Variants in MSN observed in about 807,000 individuals in gnomAD.
MSN encodes the protein moesin, also known as epididymis luminal protein 70.
MSN carries 2 observed loss-of-function variants against 48.0 expected under a neutral mutation model. That is an observed-to-expected ratio of 0.04 (90% CI 0.02 to 0.13). The LOEUF is 0.13. MSN is among the 10% of genes least tolerant of loss of function. The pLI, the probability that MSN is intolerant of heterozygous loss-of-function variation, is 1.00. For synonymous variants in MSN, 146 were observed against 166.9 expected, an observed-to-expected ratio of 0.87 and a Z score of 0.97; for missense variants, 267 against 470.1, an observed-to-expected ratio of 0.57 and a Z score of 3.99.
At chrX:65,675,099 G>T (rs1376793763) in intron 1 of MSN, among the ~76,000 whole-genome samples, 1 of 111,956 alleles carries the variant, frequency 8.9e-6, no homozygotes, top group African/African-American at 3.2e-5. Context: ...TGTGCTAGAT[G>T]GGATGGATAA....
chrX:65,671,023 G>A (rs1394219351), intron 1 of MSN, among the ~76,000 whole-genome samples: 1 of 93,907 alleles, frequency 1.1e-5, no homozygotes, highest in Admixed American at 1.2e-4. Context: ...AGGCTTTGAG[G>A]CTTTCTTGGA....
At chrX:65,683,077 A>C (rs758747694) in intron 1 of MSN, among the ~76,000 whole-genome samples, 1 of 113,014 alleles carries the variant, frequency 8.8e-6, no homozygotes, top group Admixed American at 9.3e-5. Flanking sequence ...ACAGGCAGCC[A>C]TGCAAACATT....
chrX:65,620,970 G>A (rs1478178696), intron 1 of MSN, among the ~76,000 whole-genome samples: 3 of 108,391 alleles, frequency 2.8e-5, no homozygotes, highest in African/African-American at 1.0e-4. Context: ...CTGTCGCCCA[G>A]GCTGGAGTGT....
chrX:65,702,116 G>A (rs1602823246), intron 1 of MSN, among the ~76,000 whole-genome samples: 1 of 106,696 alleles, frequency 9.4e-6, no homozygotes, highest in East Asian at 3.0e-4. Context: ...GGGTTCAAGC[G>A]ATTCTCCTTC....
At chrX:65,614,448 A>C (rs1054288019) in intron 1 of MSN, among the ~76,000 whole-genome samples, 16 of 109,779 alleles carry the variant, frequency 1.5e-4, no homozygotes, top group Non-Finnish European at 9.5e-5. Flanking sequence ...CATTGAAGCT[A>C]TAAATTACTT....
chrX:65,717,718 C>CCATTATCCTATT (rs1420318153), intron 2 of MSN, among the ~76,000 whole-genome samples: 1 of 111,726 alleles, frequency 9.0e-6, no homozygotes, highest in Admixed American at 9.5e-5. Context: ...ACCAGACAGG[C>CCATTATCCTATT]CATTATCCTA....
chrX:65,676,917 T>G (rs1222655486), intron 1 of MSN, among the ~76,000 whole-genome samples: 1 of 110,444 alleles, frequency 9.1e-6, no homozygotes, highest in Admixed American at 9.7e-5. Flanking sequence ...CTCCATCTCC[T>G]GGGTTCAAGA....
intron 1 of MSN, among the ~76,000 whole-genome samples, chrX:65,645,236 C>A (rs973791211): frequency 8.9e-6 from 1 of 111,972 alleles, no homozygotes; most frequent in African/African-American, 3.2e-5. Flanking sequence ...GGACCCTCCT[C>A]GCTTCTGATA....
intron 10 of MSN, among the ~76,000 whole-genome samples, chrX:65,738,023 T>C (rs1048791782): frequency 3.6e-5 from 4 of 112,447 alleles, no homozygotes; most frequent in African/African-American, 1.3e-4. Context: ...CCAAGACCTG[T>C]CTCTCATGAG....
chrX:65,596,143 G>A (rs2070185068), intron 1 of MSN, among the ~76,000 whole-genome samples: 1 of 111,008 alleles, frequency 9.0e-6, no homozygotes, highest in South Asian at 3.8e-4. Flanking sequence ...AAGCCACAGA[G>A]TAAATTAGTG....
chrX:65,645,436 C>T (rs778595363), intron 1 of MSN, among the ~76,000 whole-genome samples: 3 of 102,689 alleles, frequency 2.9e-5, no homozygotes, highest in Non-Finnish European at 3.9e-5. Context: ...GCATGTTTGT[C>T]GGGAGTTGAG....
At chrX:65,651,296 G>A (rs1280111053) in intron 1 of MSN, among the ~76,000 whole-genome samples, 1 of 101,474 alleles carries the variant, frequency 9.9e-6, no homozygotes, top group African/African-American at 3.6e-5. Context: ...CCAGCCCGGG[G>A]GACAGAGTGA....
chrX:65,593,330 G>A (rs1459948201), intron 1 of MSN: 1 of 111,044 alleles, frequency 9.0e-6, no homozygotes, highest in Non-Finnish European at 1.9e-5. Context: ...CAAGCAACTA[G>A]TCTGGACTGG....
At chrX:65,645,238 C>T (rs1016649879) in intron 1 of MSN, among the ~76,000 whole-genome samples, 1 of 112,050 alleles carries the variant, frequency 8.9e-6, no homozygotes, top group Non-Finnish European at 1.9e-5. Flanking sequence ...ACCCTCCTCG[C>T]TTCTGATAGC....
intron 2 of MSN, among the ~76,000 whole-genome samples, chrX:65,720,698 T>C (rs886401555): frequency 6.3e-5 from 7 of 111,755 alleles, no homozygotes; most frequent in Non-Finnish European, 1.1e-4. Context: ...TTGGCAGGAA[T>C]TGGCAAAAGC....
At chrX:65,655,925 C>T in intron 1 of MSN, among the ~76,000 whole-genome samples, 2 of 111,122 alleles carry the variant, frequency 1.8e-5, no homozygotes, top group East Asian at 5.6e-4. Flanking sequence ...TGCCATCATG[C>T]CTGGCTAATT....
intron 1 of MSN, among the ~76,000 whole-genome samples, chrX:65,642,007 G>A (rs2070658726): frequency 9.2e-6 from 1 of 108,223 alleles, no homozygotes; most frequent in East Asian, 2.9e-4. Context: ...GGTGGTGAAT[G>A]CCTGTAATCC....
intron 1 of MSN, among the ~76,000 whole-genome samples, chrX:65,692,808 T>C (rs772848186): frequency 4.5e-5 from 5 of 111,248 alleles, no homozygotes; most frequent in Non-Finnish European, 7.5e-5. Flanking sequence ...GCCTCCTGAA[T>C]AGCTGGGATT....
At chrX:65,709,383 C>T (rs2071393986) in intron 1 of MSN, among the ~76,000 whole-genome samples, 1 of 112,319 alleles carries the variant, frequency 8.9e-6, no homozygotes, top group South Asian at 3.6e-4. Flanking sequence ...TTTATCTCCA[C>T]ATTGAAGTTC....
Sources: allele counts gnomAD v4.1 joint callset (sites outside exome capture counted in the v4.1 genomes callset), GRCh38; gene constraint gnomAD v4.1.1; transcripts MANE v1.5; gene names NCBI Gene and HGNC (gene_info 2026-07-23, HGNC 2026-07-21).